Variants in SPACA7 observed in about 807,000 individuals in gnomAD.
The protein encoded by SPACA7 is sperm acrosome-associated protein 7.
SPACA7 carries 19 observed loss-of-function variants against 26.3 expected under a neutral mutation model. The ratio of observed to expected loss-of-function variants is 0.72; its 90% CI spans 0.50 to 1.06. The LOEUF (loss-of-function observed/expected upper bound fraction) is 1.06, where lower values mean the gene tolerates loss of function less well. SPACA7 is among the 50% of genes least tolerant of loss of function. The pLI is 0.00. For synonymous variants in SPACA7, 84 were observed against 84.5 expected, an observed-to-expected ratio of 0.99 and a Z score of 0.04; for missense variants, 211 against 229.9, an observed-to-expected ratio of 0.92 and a Z score of 0.53.
At chr13:112,384,718 T>C (rs1228578157) in intron 1 of SPACA7, among the ~76,000 whole-genome samples, 1 of 152,172 alleles carries the variant, frequency 6.6e-6, no homozygotes, top group Non-Finnish European at 1.5e-5. Context: ...GACACTTAGC[T>C]TTCCAAACAA....
At chr13:112,379,936 A>C (rs368106879) in intron 1 of SPACA7, among the ~76,000 whole-genome samples, 12 of 152,350 alleles carry the variant, frequency 7.9e-5, no homozygotes, top group African/African-American at 2.9e-4. Flanking sequence ...AAAATATAGG[A>C]AGTAGCATGG....
chr13:112,397,004 TAGC>T (rs568447428), intron 2 of SPACA7, among the ~76,000 whole-genome samples: 1 of 152,144 alleles, frequency 6.6e-6, no homozygotes, highest in South Asian at 2.1e-4. Context: ...TACAGGCCTG[TAGC>T]CCACCCGGCT....
Position 112,432,317 on chromosome 13 carries a change from C to CTG in SPACA7, c.446-127_446-126insTG, listed in dbSNP as rs1877234110. 9.7e-5 allele frequency: 64 copies of CTG among 657,748 alleles called. No homozygotes were observed. In the Admixed American group the frequency reaches 1.7e-3, roughly 18 times the overall value. 40.7% of individuals were successfully genotyped at this position (657,748 alleles called of 1,614,324 possible). Reference sequence around the variant, plus strand: ...GTCTCGAGAAGCTGCAGCACCTCACCCCGCTTGCTCTGTGCGTGGGTGCTG... The same window carrying CTG: ...GTCTCGAGAAGCTGCAGCACCTCACCTGCCGCTTGCTCTGTGCGTGGGTGCTG... On this transcript the variant is annotated intron_variant, in intron 5 of 6. Transcript: ENST00000283550.
rs373011469 is a variant in SPACA7, at chr13:112,394,349, G to A, written c.151+1272G>A. Among the ~76,000 whole-genome samples the A allele has an allele frequency of 1.3e-4, 20 of 151,866 alleles. 1 individual carries two copies. The East Asian group carries it at 2.3e-3, about 18-fold the overall frequency. The stretch of plus-strand genomic sequence containing the variant: ...TCTGCCAGCATTGCCTGTGGAGTGG[G>A]GTCGGGGTAGAGGATGGGGCCACCT... On this transcript the variant is annotated intron_variant, in intron 2 of 6. Coordinates refer to ENST00000283550, the MANE Select transcript of SPACA7 (RefSeq NM_145248.5).
chr13:112,428,276 T>C (rs1876735450), intron 5 of SPACA7, among the ~76,000 whole-genome samples: 1 of 152,184 alleles, frequency 6.6e-6, no homozygotes, highest in Non-Finnish European at 1.5e-5. Flanking sequence ...GATCCATAGG[T>C]TGTTTAGAAG....
chr13:112,387,597 G>T (rs1029637247), intron 1 of SPACA7, among the ~76,000 whole-genome samples: 1 of 152,172 alleles, frequency 6.6e-6, no homozygotes. Context: ...CCAGAAATTT[G>T]GCTGGTAAGA....
chr13:112,391,666 G>A (rs767496519), intron 1 of SPACA7, among the ~76,000 whole-genome samples: 12 of 152,190 alleles, frequency 7.9e-5, no homozygotes, highest in Non-Finnish European at 1.3e-4. Flanking sequence ...TTTAAAAACC[G>A]CACGGATGTT....
chr13:112,431,627 T>C (rs1304946441), intron 5 of SPACA7, among the ~76,000 whole-genome samples: 3 of 152,174 alleles, frequency 2.0e-5, no homozygotes, highest in Non-Finnish European at 2.9e-5. Context: ...CAGTCAACAG[T>C]AGTCATTATT....
At chr13:112,406,442 G>A (rs534993714) in intron 5 of SPACA7, among the ~76,000 whole-genome samples, 76 of 152,166 alleles carry the variant, frequency 5.0e-4, no homozygotes, top group Non-Finnish European at 9.6e-4. Context: ...TCTTTTTAAG[G>A]CCAAGTAATT....
intron 6 of SPACA7, among the ~76,000 whole-genome samples, chr13:112,433,429 G>A (rs1181805556): frequency 1.3e-5 from 2 of 149,576 alleles, no homozygotes; most frequent in East Asian, 2.0e-4. Context: ...AAAACAGAGA[G>A]CCCTGCCTGG....
chr13:112,404,304 G>A (rs923473023), intron 5 of SPACA7, among the ~76,000 whole-genome samples: 1 of 152,112 alleles, frequency 6.6e-6, no homozygotes, highest in Non-Finnish European at 1.5e-5. Flanking sequence ...TTTCATTGTA[G>A]ATTCTGGATA....
At chr13:112,427,170 A>C (rs1308471461) in intron 5 of SPACA7, among the ~76,000 whole-genome samples, 1 of 152,202 alleles carries the variant, frequency 6.6e-6, no homozygotes, top group Non-Finnish European at 1.5e-5. Flanking sequence ...CAGACAGTAA[A>C]TCTTTCAGTC....
intron 1 of SPACA7, among the ~76,000 whole-genome samples, chr13:112,377,918 G>A (rs1005234737): frequency 2.0e-5 from 3 of 152,342 alleles, no homozygotes; most frequent in Admixed American, 1.3e-4. Context: ...CACAGTTTCC[G>A]AATCCAGAGG....
intron 5 of SPACA7, among the ~76,000 whole-genome samples, chr13:112,423,615 G>A (rs1876215492): frequency 6.6e-6 from 1 of 152,204 alleles, no homozygotes; most frequent in Admixed American, 6.5e-5. Flanking sequence ...CCCACAGGAG[G>A]GAATGGAGAG....
chr13:112,382,565 G>A, intron 1 of SPACA7: 2 of 1,530,370 alleles, frequency 1.3e-6, no homozygotes, highest in African/African-American at 1.4e-5. Context: ...GCCTGGCTGG[G>A]CTTCCAAGGC....
At chr13:112,392,851 G>T (rs951204319) in intron 1 of SPACA7, among the ~76,000 whole-genome samples, 170 bp from the exon 2 acceptor site, 1 of 152,188 alleles carries the variant, frequency 6.6e-6, no homozygotes, top group African/African-American at 2.4e-5. Flanking sequence ...AAGTCCCAGA[G>T]AACTTTCCTG....
At chr13:112,406,412 G>T (rs1041192242) in intron 5 of SPACA7, among the ~76,000 whole-genome samples, 4 of 152,136 alleles carry the variant, frequency 2.6e-5, no homozygotes, top group Non-Finnish European at 5.9e-5. Flanking sequence ...CCCTGTCTTA[G>T]CATGTGTCAG....
intron 2 of SPACA7, among the ~76,000 whole-genome samples, chr13:112,396,445 G>T (rs1885261204): frequency 6.6e-6 from 1 of 152,198 alleles, no homozygotes; most frequent in Non-Finnish European, 1.5e-5. Context: ...CTGACCTGCT[G>T]TGCCTGGTCA....
chr13:112,424,416 C>T (rs1053746629), intron 5 of SPACA7, among the ~76,000 whole-genome samples: 6 of 152,098 alleles, frequency 3.9e-5, no homozygotes, highest in Non-Finnish European at 7.4e-5. Context: ...AGAGCTGGCC[C>T]GGGCCAGGGA....
Sources: allele counts gnomAD v4.1 joint callset (sites outside exome capture counted in the v4.1 genomes callset), GRCh38; gene constraint gnomAD v4.1.1; transcripts MANE v1.5; gene names NCBI Gene and HGNC (gene_info 2026-07-23, HGNC 2026-07-21).